Variants in RORA observed in about 807,000 individuals in gnomAD.
The protein encoded by RORA is nuclear receptor ROR-alpha.
RORA carries 7 observed loss-of-function variants against 69.5 expected under a neutral mutation model. The ratio of observed to expected loss-of-function variants is 0.10; its 90% CI spans 0.06 to 0.19. The LOEUF is 0.19. RORA is among the 10% of genes least tolerant of loss of function. RORA has a pLI of 1.00. For synonymous variants in RORA, 261 were observed against 240.8 expected, an observed-to-expected ratio of 1.08 and a Z score of -0.78; for missense variants, 457 against 663.0, an observed-to-expected ratio of 0.69 and a Z score of 3.41.
intron 1 of RORA, among the ~76,000 whole-genome samples, chr15:61,073,217 G>A (rs145692437): frequency 2.6e-5 from 4 of 152,190 alleles, no homozygotes; most frequent in East Asian, 1.9e-4. Context: ...CTTGAGATTC[G>A]TAAGCCAAAG....
At position 60,572,387 on chromosome 15, in the gene RORA, C is replaced by T. The variant is rs1005474489; in HGVS notation, c.197-40536G>A. Among the ~76,000 whole-genome samples the T allele has an allele frequency of 3.3e-5, 5 of 152,098 alleles. No homozygotes were observed. In the South Asian group the frequency reaches 6.2e-4, roughly 19 times the overall value. On this transcript the variant is annotated intron_variant, in intron 2 of 10. Transcript: ENST00000335670. ...CAAAGCCTTTCACAACTTTACTAAACACTTGAATGCTCTGGGCATAGTGAA... is the reference window on the plus strand; with the variant it reads ...CAAAGCCTTTCACAACTTTACTAAATACTTGAATGCTCTGGGCATAGTGAA...
intron 1 of RORA, among the ~76,000 whole-genome samples, chr15:60,685,933 C>T (rs1377326031): frequency 2.0e-5 from 3 of 152,048 alleles, no homozygotes; most frequent in Non-Finnish European, 4.4e-5. Context: ...CTAGGTTGAG[C>T]TGTTTCGGCA....
intron 2 of RORA, among the ~76,000 whole-genome samples, chr15:60,643,802 A>G (rs752456890): frequency 2.6e-5 from 4 of 152,198 alleles, no homozygotes; most frequent in African/African-American, 7.2e-5. Flanking sequence ...GAGGGGAGTT[A>G]TTGTGTTGCT....
chr15:61,078,591 C>A (rs1254502616), intron 1 of RORA, among the ~76,000 whole-genome samples: 1 of 152,114 alleles, frequency 6.6e-6, no homozygotes, highest in African/African-American at 2.4e-5. Context: ...GAGAGGAAAA[C>A]CAATGCTCAG....
intron 1 of RORA, among the ~76,000 whole-genome samples, chr15:61,091,993 C>T (rs16943602): frequency 3.9e-5 from 6 of 152,138 alleles, no homozygotes; most frequent in African/African-American, 1.2e-4. Context: ...CAGAAGCCAA[C>T]ACCGTAGTCA....
intron 2 of RORA, among the ~76,000 whole-genome samples, chr15:60,645,581 C>T (rs972671027): frequency 2.0e-5 from 3 of 151,984 alleles, no homozygotes; most frequent in East Asian, 1.9e-4. Context: ...TTTGTAAAGA[C>T]GGGGTTTCAC....
At chr15:60,526,158 C>A (rs916983504) in intron 3 of RORA, among the ~76,000 whole-genome samples, 12 of 152,200 alleles carry the variant, frequency 7.9e-5, no homozygotes, top group Non-Finnish European at 4.4e-5. Context: ...AGCAATAAAT[C>A]ACAGAAATTC....
At chr15:60,515,156 C>G (rs2065822486) in intron 3 of RORA, among the ~76,000 whole-genome samples, 1 of 152,150 alleles carries the variant, frequency 6.6e-6, no homozygotes, top group South Asian at 2.1e-4. Context: ...CCTGGAATAT[C>G]CAAGTTAAGG....
chr15:61,042,615 T>G (rs1896833431), intron 1 of RORA, among the ~76,000 whole-genome samples: 1 of 152,164 alleles, frequency 6.6e-6, no homozygotes, highest in Non-Finnish European at 1.5e-5. Context: ...CATGAGAGAT[T>G]AATTTGTGCT....
intron 1 of RORA, among the ~76,000 whole-genome samples, chr15:61,057,083 G>A (rs1243170327): frequency 2.0e-5 from 3 of 152,186 alleles, no homozygotes; most frequent in Non-Finnish European, 4.4e-5. Flanking sequence ...CCTCAAAGGC[G>A]CCTGCCTTCA....
chr15:60,845,872 G>A (rs185071339), intron 1 of RORA, among the ~76,000 whole-genome samples: 2 of 152,146 alleles, frequency 1.3e-5, no homozygotes, highest in Non-Finnish European at 2.9e-5. Context: ...TCAGCTTCCC[G>A]AGTAGCAGGG....
intron 2 of RORA, among the ~76,000 whole-genome samples, chr15:60,614,440 G>A (rs1212179120): frequency 6.6e-6 from 1 of 152,194 alleles, no homozygotes; most frequent in African/African-American, 2.4e-5. Flanking sequence ...GGTTCTAGTT[G>A]TGTAGGAAAG....
At chr15:60,603,944 G>A (rs1326090617) in intron 2 of RORA, among the ~76,000 whole-genome samples, 4 of 152,004 alleles carry the variant, frequency 2.6e-5, no homozygotes. Flanking sequence ...AGACCAGCCC[G>A]GCCAACATGG....
intron 1 of RORA, among the ~76,000 whole-genome samples, chr15:61,011,316 T>C (rs1195301463): frequency 6.6e-6 from 1 of 152,230 alleles, no homozygotes; most frequent in Non-Finnish European, 1.5e-5. Context: ...CTATTAAAGT[T>C]CCTGAATTCT....
At chr15:61,194,212 G>A (rs1474203785) in intron 1 of RORA, 1 of 152,180 alleles carries the variant, frequency 6.6e-6, no homozygotes, top group East Asian at 1.9e-4. Flanking sequence ...ATGCACATGG[G>A]GTGCAAGCCA....
intron 1 of RORA, among the ~76,000 whole-genome samples, chr15:61,223,206 T>G (rs1389732801): frequency 6.8e-6 from 1 of 146,974 alleles, no homozygotes; most frequent in Non-Finnish European, 1.5e-5. Context: ...CCCAGTTCCC[T>G]GGGAGGCTGA....
At position 61,188,240 on chromosome 15, in the gene RORA, C is replaced by T. The variant is rs189375305; in HGVS notation, c.166+40813G>A. ...AAGGTCAGAAAGTGAATCGTCTTTG[C>T]GGGCCAAAAGGTCTCTGTGGCAACT... On this transcript the variant is annotated intron_variant, in intron 1 of 10. Coordinates refer to ENST00000335670, the MANE Select transcript of RORA (RefSeq NM_134261.3). 4.6e-5 allele frequency among the ~76,000 whole-genome samples: 7 copies of T among 152,278 alleles called. No homozygotes were observed. In the East Asian group the frequency reaches 7.7e-4, roughly 17 times the overall value.
At chr15:60,921,009 G>A (rs998534843) in intron 1 of RORA, among the ~76,000 whole-genome samples, 14 of 152,140 alleles carry the variant, frequency 9.2e-5, no homozygotes, top group African/African-American at 3.1e-4. Flanking sequence ...TGCAGTCTTG[G>A]TTCTACCTCA....
At chr15:60,507,428 G>A (rs920250790) in intron 5 of RORA, among the ~76,000 whole-genome samples, 9 of 152,154 alleles carry the variant, frequency 5.9e-5, no homozygotes, top group African/African-American at 1.7e-4. Flanking sequence ...TCTCCTTAGA[G>A]ACACTGAAAC....
Sources: allele counts gnomAD v4.1 joint callset (sites outside exome capture counted in the v4.1 genomes callset), GRCh38; gene constraint gnomAD v4.1.1; transcripts MANE v1.5; gene names NCBI Gene and HGNC (gene_info 2026-07-23, HGNC 2026-07-21).